Variants in SMYD3 observed in about 807,000 individuals in gnomAD.
SMYD3 encodes the protein SET and MYND domain containing 3, also known as histone-lysine N-methyltransferase SMYD3.
Under a neutral mutation model 57.7 loss-of-function variants are expected in SMYD3, and 36 were observed. The ratio of observed to expected loss-of-function variants is 0.62; its 90% CI spans 0.48 to 0.82. The LOEUF (loss-of-function observed/expected upper bound fraction) is 0.82, where lower values mean the gene tolerates loss of function less well. Among genes scored for constraint, SMYD3 ranks in the 40% least tolerant of loss-of-function variants. The probability of loss-of-function intolerance (pLI) is 0.00; values close to 1 mark genes in which losing one functional copy is unlikely to be tolerated. For synonymous variants in SMYD3, 211 were observed against 195.0 expected (o/e 1.08, Z -0.68); for missense variants, 515 against 538.8 (o/e 0.96, Z 0.44).
At chr1:246,231,808 A>C (rs924771719) in intron 5 of SMYD3, among the ~76,000 whole-genome samples, 3 of 129,934 alleles carry the variant, frequency 2.3e-5, no homozygotes, top group African/African-American at 1.0e-4. Context: ...TTCTCACAGC[A>C]ATCAATTTTT....
At chr1:246,034,036 G>T (rs1174173362) in intron 5 of SMYD3, among the ~76,000 whole-genome samples, 1 of 151,988 alleles carries the variant, frequency 6.6e-6, no homozygotes, top group African/African-American at 2.4e-5. Flanking sequence ...TAAATATATA[G>T]AATTGAGCAA....
At chr1:246,060,902 T>C (rs1382842432) in intron 5 of SMYD3, among the ~76,000 whole-genome samples, 1 of 152,228 alleles carries the variant, frequency 6.6e-6, no homozygotes, top group Non-Finnish European at 1.5e-5. Flanking sequence ...AACAGAATGC[T>C]GATTTTATTC....
intron 5 of SMYD3, among the ~76,000 whole-genome samples, chr1:246,179,970 T>C (rs1305309129): frequency 6.6e-6 from 1 of 151,924 alleles, no homozygotes; most frequent in Non-Finnish European, 1.5e-5. Context: ...GTTATCAGAG[T>C]AGCAGCCAAA....
chr1:246,019,546 A>G (rs1036397062), intron 5 of SMYD3, among the ~76,000 whole-genome samples: 1 of 152,302 alleles, frequency 6.6e-6, no homozygotes, highest in East Asian at 1.9e-4. Flanking sequence ...AAAAAACCCT[A>G]TCTTTGTTAT....
chr1:245,790,448 G>A (rs1045061540), intron 10 of SMYD3, among the ~76,000 whole-genome samples: 7 of 152,204 alleles, frequency 4.6e-5, no homozygotes, highest in African/African-American at 1.7e-4. Context: ...AGTGAGGGGA[G>A]AACCCCCAGA....
At chr1:246,407,047 C>CA (rs1200571987) in intron 1 of SMYD3, among the ~76,000 whole-genome samples, 5 of 152,204 alleles carry the variant, frequency 3.3e-5, no homozygotes, top group Non-Finnish European at 7.4e-5. Context: ...GAAGGGTTGG[C>CA]ATTGCCCCCT....
intron 5 of SMYD3, among the ~76,000 whole-genome samples, chr1:246,258,649 A>C (rs976957804): frequency 6.6e-6 from 1 of 152,136 alleles, no homozygotes; most frequent in African/African-American, 2.4e-5. Flanking sequence ...TGCCTTTAAG[A>C]TATTTTTCTT....
chr1:246,304,569 T>G (rs117854917), intron 5 of SMYD3, among the ~76,000 whole-genome samples: 1 of 152,284 alleles, frequency 6.6e-6, no homozygotes, highest in East Asian at 1.9e-4. Flanking sequence ...ATTTTGATGT[T>G]TAGCCTCAAA....
intron 10 of SMYD3, among the ~76,000 whole-genome samples, chr1:245,780,342 A>G (rs2046779792): frequency 6.6e-6 from 1 of 152,240 alleles, no homozygotes; most frequent in African/African-American, 2.4e-5. Context: ...TTCAGCCATG[A>G]AAAGGAATGA....
intron 5 of SMYD3, among the ~76,000 whole-genome samples, chr1:246,040,382 G>T (rs1013328698): frequency 6.6e-6 from 1 of 151,946 alleles, no homozygotes; most frequent in African/African-American, 2.4e-5. Context: ...AAGTGCTGCC[G>T]CTTATCTTTT....
At chr1:246,287,965 C>T (rs916841653) in intron 5 of SMYD3, among the ~76,000 whole-genome samples, 10 of 151,396 alleles carry the variant, frequency 6.6e-5, no homozygotes, top group South Asian at 2.1e-4. Flanking sequence ...GGCCTTGGAA[C>T]GTTACACGGC....
At chr1:246,239,301 A>C (rs113317335) in intron 5 of SMYD3, among the ~76,000 whole-genome samples, 1 of 151,972 alleles carries the variant, frequency 6.6e-6, no homozygotes, top group Admixed American at 6.6e-5. Context: ...CCTGTGTCCA[A>C]GTGTTCTCAT....
intron 5 of SMYD3, among the ~76,000 whole-genome samples, chr1:246,264,940 C>G (rs74785387): frequency 0.031 from 4,732 of 152,214 alleles, 94 homozygotes; most frequent in African/African-American, 0.041. Flanking sequence ...ACGAGATGAA[C>G]AAATTTAGTT....
At chr1:246,117,280 C>A (rs531614460) in intron 5 of SMYD3, among the ~76,000 whole-genome samples, 15 of 152,328 alleles carry the variant, frequency 9.8e-5, no homozygotes, top group Admixed American at 3.9e-4. Context: ...TTTCCACTTT[C>A]ATTTCCTTGT....
At chr1:245,921,589 T>TA (rs1490309846) in intron 7 of SMYD3, among the ~76,000 whole-genome samples, 2 of 131,862 alleles carry the variant, frequency 1.5e-5, no homozygotes, top group Non-Finnish European at 3.2e-5. Context: ...CATGGAATAG[T>TA]ATGCAGCCAT....
At chr1:246,495,218 G>A (rs987845055) in intron 1 of SMYD3, among the ~76,000 whole-genome samples, 23 of 151,710 alleles carry the variant, frequency 1.5e-4, no homozygotes, top group African/African-American at 4.1e-4. Context: ...GCGTGGTGGC[G>A]GGCGCCTGTA....
intron 5 of SMYD3, among the ~76,000 whole-genome samples, chr1:246,150,198 T>C (rs1419405511): frequency 6.6e-6 from 1 of 152,222 alleles, no homozygotes; most frequent in Admixed American, 6.5e-5. Context: ...TTCACAGAAA[T>C]GTTACTCAAA....
chr1:246,422,635 T>C (rs1456432202), intron 1 of SMYD3, among the ~76,000 whole-genome samples: 1 of 152,186 alleles, frequency 6.6e-6, no homozygotes, highest in Non-Finnish European at 1.5e-5. Flanking sequence ...TTAGCCAGGC[T>C]GGTCTCGAAC....
chr1:245,865,023 T>C (rs564902881), intron 8 of SMYD3, among the ~76,000 whole-genome samples: 2 of 152,236 alleles, frequency 1.3e-5, no homozygotes, highest in Non-Finnish European at 2.9e-5. Context: ...GGTTGGCCAG[T>C]GTACGTCTGG....
Sources: gnomAD v4.1 joint callset for allele counts (sites outside exome capture counted in the v4.1 genomes callset) on GRCh38, gnomAD v4.1.1 for gene constraint, MANE v1.5 for transcripts, NCBI Gene and HGNC (gene_info 2026-07-23, HGNC 2026-07-21) for gene names.